MGRN1: variants seen among roughly 807,000 people sequenced by gnomAD.
MGRN1 encodes the protein E3 ubiquitin-protein ligase MGRN1.
Under a neutral mutation model 69.2 loss-of-function variants are expected in MGRN1, and 29 were observed. The observed-to-expected ratio is 0.42, with a 90% CI of 0.31 to 0.57. The LOEUF (loss-of-function observed/expected upper bound fraction) is 0.57. MGRN1 is among the 20% of genes least tolerant of loss of function. The pLI is 0.15. For missense variants in MGRN1, 998 were observed against 796.2 expected, an observed-to-expected ratio of 1.25 and a Z score of -3.05; for synonymous variants, 470 against 344.2, an observed-to-expected ratio of 1.37 and a Z score of -4.04.
chr16:4,672,397 A>G, intron 9 of MGRN1: 1 of 456,728 alleles, frequency 2.2e-6, no homozygotes, highest in Non-Finnish European at 4.4e-6. Context: ...CCTGCCTCTT[A>G]AGATCTCTTG....
In MGRN1 at chr16:4,688,974, AC is replaced by A; in HGVS notation, c.*70del. 1.4e-6 allele frequency: 2 copies of A among 1,472,316 alleles called. No individual in the cohort carries two copies. The highest frequency in any genetic ancestry group is 2.3e-5 in the Admixed American group (1 of 43,364). The allele number at this position is 1,472,316 out of a possible 1,614,324, so 91.2% of individuals were successfully genotyped here. A position where few individuals can be genotyped will look rare whatever the true frequency, so the allele number is the denominator to read the frequency against. ...AGACTTTGCCGAGGGGCTGCTCCGGACCCCGTTGTGAGCCGGCCTCCTGTCT... is the reference window on the plus strand; with the variant it reads ...AGACTTTGCCGAGGGGCTGCTCCGGACCCGTTGTGAGCCGGCCTCCTGTCT... On this transcript the variant is annotated 3_prime_UTR_variant, in exon 17 of 17. Coordinates refer to ENST00000262370, the MANE Select transcript of MGRN1 (RefSeq NM_015246.4).
In MGRN1 at chr16:4,651,984, C is replaced by A. The variant is rs776001905; in HGVS notation, c.229C>A (p.Pro77Thr). The change falls in exon 3 of 17, where the codon CCC becomes ACC. Residue 77 changes from proline to threonine, a missense_variant. By Grantham distance (38) the Pro-to-Thr change is conservative. Transcript: ENST00000262370. The stretch of plus-strand genomic sequence containing the variant: ...CTAGTTTCCCTACGTCACTCCTGCC[C>A]CCCACGAGCCCGTGAAGACGCTGCG... ...PVQFPYVTPA[P>T]HEPVKTLRSL... 5.6e-6 allele frequency: 9 copies of A among 1,614,048 alleles called. No individual in the cohort carries two copies. Among genetic ancestry groups the A allele is most frequent in the South Asian group, 1.1e-5 (1 of 91,082 alleles).
At chr16:4,675,654 C>T (rs181086675) in intron 10 of MGRN1, among the ~76,000 whole-genome samples, 2 of 151,366 alleles carry the variant, frequency 1.3e-5, no homozygotes, top group Non-Finnish European at 2.9e-5. Context: ...TCGGCTGAGC[C>T]TGGGAGGTTG....
rs1320182065 is a variant in MGRN1, at chr16:4,690,816, G to A, written c.*1908G>A. ...GCCCCCCGCCCCCACCAAGGCCCCA[G>A]CCTCTGGCCATCAGTCCTGGTGCCA... On this transcript the variant is annotated 3_prime_UTR_variant, in exon 17 of 17. Coordinates refer to ENST00000262370, the MANE Select transcript of MGRN1 (RefSeq NM_015246.4). The A allele has an allele frequency of 1.7e-5, 1 of 58,960 alleles. No homozygotes were observed. The highest frequency in any genetic ancestry group is 3.2e-5 in the Non-Finnish European group (1 of 30,908). The allele number at this position is 58,960 out of a possible 1,614,324, so 3.7% of individuals were successfully genotyped here. A position where few individuals can be genotyped will look rare whatever the true frequency, so the allele number is the denominator to read the frequency against.
chr16:4,666,616 G>A (rs565291581), intron 7 of MGRN1, among the ~76,000 whole-genome samples: 42 of 152,278 alleles, frequency 2.8e-4, no homozygotes, highest in African/African-American at 8.9e-4. Context: ...TTACCTCCTC[G>A]GGCTGTAGCT....
chr16:4,667,427 C>G (rs1292136006), intron 7 of MGRN1, among the ~76,000 whole-genome samples: 1 of 152,216 alleles, frequency 6.6e-6, no homozygotes, highest in Non-Finnish European at 1.5e-5. Flanking sequence ...ACTGGGCTCC[C>G]CAGCTGCTCT....
At position 4,667,258 on chromosome 16, in the gene MGRN1, C is replaced by G. The variant is rs139032848; in HGVS notation, c.679-1007C>G. On this transcript the variant is annotated intron_variant, in intron 7 of 16. Transcript: ENST00000262370. ...GCTCTTACCTGTGATCTGGGTCTTT[C>G]TAGAGCACCCCAGGGTCGGGGGTTC... 1.4e-3 allele frequency among the ~76,000 whole-genome samples: 214 copies of G among 152,328 alleles called. 1 individual carries two copies. Among genetic ancestry groups the G allele is most frequent in the African/African-American group, 4.7e-3 (196 of 41,590 alleles).
In MGRN1 at chr16:4,681,532, C is replaced by G. The variant is rs73521427; in HGVS notation, c.1132-18C>G. The G allele has an allele frequency of 5.6e-6, 9 of 1,600,810 alleles. No homozygotes were observed. The highest frequency in any genetic ancestry group is 7.7e-6 in the Non-Finnish European group (9 of 1,171,106). The stretch of plus-strand genomic sequence containing the variant: ...TGGTCCCTGGGCATGAGCCCCCTCA[C>G]GCACCCTGTCCCTACAGAACTCTGA... On this transcript the variant is annotated intron_variant, in intron 12 of 16. Transcript: ENST00000262370.
At chr16:4,671,196 G>C in intron 8 of MGRN1, 195 bp from the exon 9 acceptor site, 1 of 606,880 alleles carries the variant, frequency 1.6e-6, no homozygotes, top group Non-Finnish European at 2.9e-6. Context: ...CTCCAGCCCT[G>C]TTCCAGGTGC....
At chr16:4,657,054 G>C (rs1380785179) in intron 4 of MGRN1, among the ~76,000 whole-genome samples, 192 bp from the exon 5 acceptor site, 2 of 152,226 alleles carry the variant, frequency 1.3e-5, no homozygotes, top group Admixed American at 6.5e-5. Flanking sequence ...GCTGCATGGT[G>C]AGCAGAGAGG....
chr16:4,661,410 C>T (rs1486297653), intron 5 of MGRN1, among the ~76,000 whole-genome samples: 1 of 152,256 alleles, frequency 6.6e-6, no homozygotes, highest in Non-Finnish European at 1.5e-5. Flanking sequence ...GCTGGGTCGG[C>T]TCCTGTTGCC....
chr16:4,631,641 G>A (rs1172782541), intron 1 of MGRN1, among the ~76,000 whole-genome samples: 1 of 152,218 alleles, frequency 6.6e-6, no homozygotes, highest in Non-Finnish European at 1.5e-5. Flanking sequence ...TAGTTTGATA[G>A]TAAGTTGTGA....
chr16:4,640,562 CT>C (rs2078136045), intron 1 of MGRN1: 1 of 152,242 alleles, frequency 6.6e-6, no homozygotes, highest in Non-Finnish European at 1.5e-5. Context: ...AGAAGGATGC[CT>C]TTGTTTTAGT....
At chr16:4,667,092 G>T (rs1202618353) in intron 7 of MGRN1, among the ~76,000 whole-genome samples, 2 of 152,242 alleles carry the variant, frequency 1.3e-5, no homozygotes, top group African/African-American at 4.8e-5. Flanking sequence ...AGTCGGAGGG[G>T]GAAAGGATCC....
chr16:4,664,821 G>C lies in MGRN1; in HGVS notation c.628+46G>C, dbSNP rs770223045. The C allele has an allele frequency of 3.7e-6, 6 of 1,605,816 alleles. No homozygotes were observed. In the East Asian group the frequency reaches 1.3e-4, roughly 36 times the overall value. ...CCTCCTGGGCGTGCAGGCCGTGCAG[G>C]GAGGAAGCACGTCTTGAGGGAGGAG... On this transcript the variant is annotated intron_variant, in intron 6 of 16. Coordinates refer to ENST00000262370, the MANE Select transcript of MGRN1 (RefSeq NM_015246.4).
intron 2 of MGRN1, among the ~76,000 whole-genome samples, chr16:4,651,641 G>T (rs1423260228): frequency 6.6e-6 from 1 of 152,096 alleles, no homozygotes; most frequent in Non-Finnish European, 1.5e-5. Flanking sequence ...TGAGGAAGGG[G>T]CTGAGGGTGC....
At chr16:4,633,769 C>G (rs1898134014) in intron 1 of MGRN1, 1 of 151,890 alleles carries the variant, frequency 6.6e-6, no homozygotes, top group East Asian at 1.9e-4. Context: ...CCAGGCCGGA[C>G]TGCAGTGGTG....
At chr16:4,687,613 G>A (rs1278912213) in intron 16 of MGRN1, 1 of 590,114 alleles carries the variant, frequency 1.7e-6, no homozygotes, top group East Asian at 2.7e-4. Flanking sequence ...ACACACGGGG[G>A]AGAGAGAGAA....
Position 4,668,334 on chromosome 16 carries a change from G to A in MGRN1, c.726+22G>A, listed in dbSNP as rs962828370. ...AATTGTAAGTCATCAGAGGAAATATGACGTGCTTGAATTAAAAGACACACA... is the reference window on the plus strand; with the variant it reads ...AATTGTAAGTCATCAGAGGAAATATAACGTGCTTGAATTAAAAGACACACA... On this transcript the variant is annotated intron_variant, in intron 8 of 16. Coordinates refer to ENST00000262370, the MANE Select transcript of MGRN1 (RefSeq NM_015246.4). The A allele has an allele frequency of 9.9e-6, 16 of 1,612,742 alleles. No homozygotes were observed. In the Admixed American group the frequency reaches 2.3e-4, roughly 24 times the overall value.
Sources: gnomAD v4.1 joint callset for allele counts (sites outside exome capture counted in the v4.1 genomes callset) on GRCh38, gnomAD v4.1.1 for gene constraint, MANE v1.5 for transcripts, NCBI Gene and HGNC (gene_info 2026-07-23, HGNC 2026-07-21) for gene names.